Variants in BNC2 observed in about 807,000 individuals in gnomAD.
The protein encoded by BNC2 is zinc finger protein basonuclin-2.
Under a neutral mutation model 76.3 loss-of-function variants are expected in BNC2, and 20 were observed. The observed-to-expected ratio is 0.26, with a 90% CI of 0.18 to 0.38. The LOEUF (loss-of-function observed/expected upper bound fraction) is 0.38, where lower values mean the gene tolerates loss of function less well. BNC2 is among the 10% of genes least tolerant of loss of function. The probability of loss-of-function intolerance (pLI) is 1.00; values close to 1 mark genes in which losing one functional copy is unlikely to be tolerated. For missense variants in BNC2, 1,382 were observed against 1,399.8 expected, an observed-to-expected ratio of 0.99 and a Z score of 0.20; for synonymous variants, 582 against 514.8, an observed-to-expected ratio of 1.13 and a Z score of -1.77.
At chr9:16,512,509 T>C (rs1406988670) in intron 5 of BNC2, among the ~76,000 whole-genome samples, 3 of 151,138 alleles carry the variant, frequency 2.0e-5, no homozygotes, top group Non-Finnish European at 4.4e-5. Flanking sequence ...CACACACAAA[T>C]AGAACCTGAG....
intron 4 of BNC2, among the ~76,000 whole-genome samples, chr9:16,574,805 C>A (rs1168468919): frequency 6.6e-6 from 1 of 152,160 alleles, no homozygotes; most frequent in Non-Finnish European, 1.5e-5. Flanking sequence ...TTCATGTAAT[C>A]CTCTCTCAAA....
At chr9:16,635,453 A>C (rs1209495055) in intron 3 of BNC2, among the ~76,000 whole-genome samples, 1 of 152,218 alleles carries the variant, frequency 6.6e-6, no homozygotes, top group African/African-American at 2.4e-5. Context: ...ATATTTTATA[A>C]TACTTTTGAA....
At chr9:16,427,223 T>A (rs929256703) in intron 6 of BNC2, among the ~76,000 whole-genome samples, 6 of 152,216 alleles carry the variant, frequency 3.9e-5, no homozygotes, top group African/African-American at 1.2e-4. Flanking sequence ...CCATTCTCAA[T>A]GCAAACTGCC....
intron 1 of BNC2, among the ~76,000 whole-genome samples, chr9:16,747,332 G>A (rs1437436122): frequency 2.1e-5 from 2 of 95,848 alleles, no homozygotes; most frequent in African/African-American, 6.9e-5. Flanking sequence ...GACATTGCAA[G>A]TTTTATAAAA....
At position 16,651,761 on chromosome 9, in the gene BNC2, A is replaced by G. The variant is rs533193120; in HGVS notation, c.331-68676T>C. Among the ~76,000 whole-genome samples, 16 of 152,336 alleles carry G rather than the reference A, an allele frequency of 1.1e-4. 1 individual carries two copies. The South Asian group carries it at 3.1e-3, about 30-fold the overall frequency. On this transcript the variant is annotated intron_variant, in intron 3 of 6. Coordinates refer to ENST00000380672, the MANE Select transcript of BNC2 (RefSeq NM_017637.6). ...GAGATAGTGATTTATGTCTCTGTCC[A>G]AGAAATCAAACATGATACTAACAAG...
intron 3 of BNC2, among the ~76,000 whole-genome samples, chr9:16,626,818 TC>T (rs1821009472): frequency 6.6e-6 from 1 of 152,152 alleles, no homozygotes; most frequent in East Asian, 1.9e-4. Flanking sequence ...CCATGAGTCA[TC>T]TTACTAGATG....
intron 5 of BNC2, among the ~76,000 whole-genome samples, chr9:16,493,131 G>A (rs573379458): frequency 3.9e-5 from 6 of 152,082 alleles, no homozygotes; most frequent in Admixed American, 1.3e-4. Context: ...GTCCTATTTC[G>A]AAGAAATAAA....
At chr9:16,568,136 CA>C (rs1353158069) in intron 4 of BNC2, among the ~76,000 whole-genome samples, 1 of 152,084 alleles carries the variant, frequency 6.6e-6, no homozygotes, top group Non-Finnish European at 1.5e-5. Context: ...TTTAGAATTC[CA>C]AATTACAAGC....
At chr9:16,655,421 A>G (rs1821903329) in intron 3 of BNC2, among the ~76,000 whole-genome samples, 2 of 152,156 alleles carry the variant, frequency 1.3e-5, no homozygotes, top group African/African-American at 4.8e-5. Flanking sequence ...TATGAGACTC[A>G]GGTAACTATC....
At chr9:16,528,354 G>A (rs1055430046) in intron 5 of BNC2, among the ~76,000 whole-genome samples, 17 of 152,044 alleles carry the variant, frequency 1.1e-4, no homozygotes, top group African/African-American at 3.4e-4. Context: ...CTAGAGAAAC[G>A]AAAATACAAA....
intron 5 of BNC2, among the ~76,000 whole-genome samples, chr9:16,542,826 C>T (rs112624293): frequency 2.6e-5 from 4 of 152,174 alleles, no homozygotes; most frequent in Non-Finnish European, 4.4e-5. Flanking sequence ...ATGAATTTAG[C>T]AAAAGCTTCC....
At chr9:16,546,404 A>G (rs981035580) in intron 5 of BNC2, among the ~76,000 whole-genome samples, 1 of 152,194 alleles carries the variant, frequency 6.6e-6, no homozygotes, top group Middle Eastern at 3.2e-3. Context: ...TAAACCCAGG[A>G]AAGACTACTT....
chr9:16,537,306 C>T (rs904479369), intron 5 of BNC2, among the ~76,000 whole-genome samples: 1 of 152,108 alleles, frequency 6.6e-6, no homozygotes, highest in African/African-American at 2.4e-5. Context: ...ATACGGTTTC[C>T]TTGAATCGCA....
rs1248045321 is a variant in BNC2, at chr9:16,583,036, C to A, written c.380G>T (p.Gly127Val). 6.2e-7 allele frequency: 1 copy of A among 1,613,898 alleles called. No homozygotes were observed. Among genetic ancestry groups the A allele is most frequent in the East Asian group, 2.2e-5 (1 of 44,868 alleles). ...VNCTCECFQP[G>V]KINLRTCDQC... The stretch of plus-strand genomic sequence containing the variant: ...ATCACAAGTCCTCAGGTTAATCTTC[C>A]CTGGCTGAAAACATTCACATGTGCA... The change falls in exon 4 of 7, where the codon GGG (glycine) becomes GTG (valine). Residue 127 changes from glycine (G) to valine (V), a missense_variant. Physicochemically the swap from Gly to Val is moderately radical, Grantham distance 109. This residue lies in a region of BNC2 where 557 missense variants were observed against 540.9 expected (regional missense o/e 1.03). Transcript: ENST00000380672.
chr9:16,721,812 G>T (rs1309861629), intron 3 of BNC2, among the ~76,000 whole-genome samples: 1 of 151,970 alleles, frequency 6.6e-6, no homozygotes, highest in Non-Finnish European at 1.5e-5. Context: ...CAGCACTCTG[G>T]GGGGAAAAAG....
At chr9:16,714,010 G>A (rs1823927829) in intron 3 of BNC2, among the ~76,000 whole-genome samples, 1 of 152,224 alleles carries the variant, frequency 6.6e-6, no homozygotes, top group African/African-American at 2.4e-5. Flanking sequence ...GGCGGGAGAG[G>A]TGGATGCTGG....
At chr9:16,668,931 T>A (rs570118984) in intron 3 of BNC2, among the ~76,000 whole-genome samples, 10 of 152,292 alleles carry the variant, frequency 6.6e-5, no homozygotes, top group African/African-American at 2.4e-4. Context: ...GAGATGACAA[T>A]GGATCAATCT....
At chr9:16,795,004 C>T (rs1817606514) in intron 1 of BNC2, among the ~76,000 whole-genome samples, 2 of 152,156 alleles carry the variant, frequency 1.3e-5, no homozygotes, top group South Asian at 4.1e-4. Flanking sequence ...TGCCCACGAA[C>T]AGCCCAAGAC....
At chr9:16,808,517 C>T (rs2243836) in intron 1 of BNC2, among the ~76,000 whole-genome samples, 7,841 of 107,088 alleles carry the variant, frequency 0.073, 267 homozygotes, top group Middle Eastern at 0.26. Context: ...GAGACAGAGT[C>T]TCATTCTGTC....
Sources: gnomAD v4.1 joint callset for allele counts (sites outside exome capture counted in the v4.1 genomes callset) on GRCh38, gnomAD v4.1.1 for gene constraint, gnomAD v4.1.1 regional missense constraint, MANE v1.5 for transcripts, NCBI Gene and HGNC (gene_info 2026-07-23, HGNC 2026-07-21) for gene names.